CEP290: variants seen among roughly 807,000 people sequenced by gnomAD.
CEP290 encodes centrosomal protein 290.
A neutral mutation model predicts 344.9 loss-of-function variants in CEP290; 317 were observed. The observed-to-expected ratio is 0.92, with a 90% CI of 0.84 to 1.01. The LOEUF is 1.01. Among genes scored for constraint, CEP290 ranks in the 50% least tolerant of loss-of-function variants. The pLI is 0.00. For synonymous variants in CEP290, 932 were observed against 895.8 expected (o/e 1.04, Z -0.72); for missense variants, 2,754 against 2,761.4 (o/e 1.00, Z 0.06).
At chr12:88,112,340 A>C (rs1387442596) in intron 20 of CEP290, among the ~76,000 whole-genome samples, 1 of 152,160 alleles carries the variant, frequency 6.6e-6, no homozygotes, top group Non-Finnish European at 1.5e-5. Context: ...AATGGAATAC[A>C]ATATTGAACA....
rs1022505290 is a variant in CEP290, at chr12:88,111,313, T to C, written c.2256A>G (p.Gln752=). The change falls in exon 22 of 54, where the codon CAA becomes CAG. Residue 752 remains glutamine, a synonymous_variant. Coordinates refer to ENST00000552810, the MANE Select transcript of CEP290 (RefSeq NM_025114.4). ...TAAAAACAACATTTGATCCTTCTGA[T>C]TGTCGTAAAAGACTAGTTTCTTTTT... is the stretch of plus-strand genomic sequence containing the variant. The part of the protein sequence containing the change: ...HLEKETSLLR[Q]SEGSNVVFKG... 1.3e-6 allele frequency: 2 copies of C among 1,564,008 alleles called. No individual in the cohort carries two copies. The highest frequency in any genetic ancestry group is 1.2e-5 in the South Asian group (1 of 83,496).
intron 32 of CEP290, among the ~76,000 whole-genome samples, chr12:88,086,704 TATCC>T (rs71082424): frequency 6.7e-6 from 1 of 149,076 alleles, no homozygotes; most frequent in Admixed American, 6.8e-5. Context: ...GATTTCAGTC[TATCC>T]ATCCATCCAT....
intron 37 of CEP290, 116 bp from the exon 38 acceptor site, chr12:88,080,511 C>T: frequency 1.5e-6 from 1 of 666,586 alleles, no homozygotes; most frequent in South Asian, 2.3e-5. Flanking sequence ...CTGACTGCAA[C>T]CTCTGCCTCC....
chr12:88,121,605 G>A (rs1434427640), intron 13 of CEP290, among the ~76,000 whole-genome samples: 1 of 122,140 alleles, frequency 8.2e-6, no homozygotes, highest in East Asian at 2.5e-4. Flanking sequence ...AAGTTCATAT[G>A]TGAATTTCAA....
At chr12:88,112,816 A>G (rs1196549563) in intron 20 of CEP290, among the ~76,000 whole-genome samples, 1 of 152,132 alleles carries the variant, frequency 6.6e-6, no homozygotes, top group African/African-American at 2.4e-5. Context: ...AGAGGATATA[A>G]GGAAGATAAA....
intron 4 of CEP290, 22 bp downstream of exon 4, chr12:88,139,473 A>G: frequency 6.3e-7 from 1 of 1,583,226 alleles, no homozygotes; most frequent in Admixed American, 1.7e-5. Context: ...ATACCATAAT[A>G]AACTTTTTCC....
In CEP290 at chr12:88,136,734, AT is replaced by A; in HGVS notation, c.349del (p.Ile117PhefsTer8). On this transcript the variant is annotated frameshift_variant, in exon 6 of 54. Coordinates refer to ENST00000552810, the MANE Select transcript of CEP290 (RefSeq NM_025114.4). LOFTEE classifies it high-confidence loss of function. ...TTCTAATTGTTTTTCAAGTTGGCAA[AT>A]TTCATTACGTAAAAACCGAGTATCT... ...GRDTRFLRNEICQLEKQLEQK... is the reference protein window; with the variant it reads ...GRDTRFLRNEXCQLEKQLEQK... 1 of 1,613,704 alleles carries A rather than the reference AT, an allele frequency of 6.2e-7. No individual in the cohort carries two copies. Among genetic ancestry groups the A allele is most frequent in the Non-Finnish European group, 8.5e-7 (1 of 1,179,746 alleles).
In CEP290 at chr12:88,088,957, C is replaced by T. The variant is rs187324376; in HGVS notation, c.4029+75G>A. 88 of 1,062,238 alleles carry T rather than the reference C, an allele frequency of 8.3e-5. 2 individuals are homozygous for T. The South Asian group carries it at 1.1e-3, about 13-fold the overall frequency. The allele number at this position is 1,062,238 out of a possible 1,614,324, so 65.8% of individuals were successfully genotyped here. The stretch of plus-strand genomic sequence containing the variant: ...AGCCCAGGAGTTCCAGCTATGTTTG[C>T]ACCACTGAACTCCAGCCTGGGAAAC... On this transcript the variant is annotated intron_variant, in intron 31 of 53. Coordinates refer to ENST00000552810, the MANE Select transcript of CEP290 (RefSeq NM_025114.4).
chr12:88,087,458 C>A (rs148324063), intron 32 of CEP290, among the ~76,000 whole-genome samples: 1 of 152,036 alleles, frequency 6.6e-6, no homozygotes, highest in African/African-American at 2.4e-5. Flanking sequence ...TAGGGGCTCA[C>A]GCCTGTAATC....
At chr12:88,062,203 A>G (rs1276060832) in intron 46 of CEP290, among the ~76,000 whole-genome samples, 1 of 152,232 alleles carries the variant, frequency 6.6e-6, no homozygotes, top group Non-Finnish European at 1.5e-5. Context: ...ACATGAAATC[A>G]ACAGGAGCTT....
chr12:88,127,853 G>C (rs1167853590), intron 11 of CEP290, among the ~76,000 whole-genome samples: 1 of 151,970 alleles, frequency 6.6e-6, no homozygotes, highest in Non-Finnish European at 1.5e-5. Flanking sequence ...TGTATAAAAA[G>C]AAAAATTACA....
chr12:88,131,080 G>A (rs899791685), intron 7 of CEP290, 85 bp downstream of exon 7: 30 of 1,082,610 alleles, frequency 2.8e-5, no homozygotes, highest in Admixed American at 2.0e-4. Flanking sequence ...CTCCAGTCCT[G>A]GTTAAAATAT....
chr12:88,128,253 T>C (rs1260134339), intron 11 of CEP290, among the ~76,000 whole-genome samples: 1 of 152,182 alleles, frequency 6.6e-6, no homozygotes, highest in Non-Finnish European at 1.5e-5. Context: ...TTGCTAATGC[T>C]TTTGTTTAAA....
chr12:88,116,481 G>A (rs2039043713), intron 18 of CEP290, among the ~76,000 whole-genome samples: 1 of 152,112 alleles, frequency 6.6e-6, no homozygotes, highest in African/African-American at 2.4e-5. Flanking sequence ...TGACTGTGGG[G>A]TATTGAATGA....
chr12:88,111,664 G>T, intron 21 of CEP290, 30 bp downstream of exon 21: 1 of 1,517,790 alleles, frequency 6.6e-7, no homozygotes, highest in South Asian at 1.3e-5. Context: ...CTTATGTTTA[G>T]CATTTTCTTT....
At chr12:88,138,651 T>A (rs1205263961) in intron 5 of CEP290, among the ~76,000 whole-genome samples, 1 of 152,162 alleles carries the variant, frequency 6.6e-6, no homozygotes, top group Non-Finnish European at 1.5e-5. Context: ...TCTATACACA[T>A]CCACTCTTCC....
chr12:88,107,708 C>T (rs1283303644), intron 23 of CEP290, among the ~76,000 whole-genome samples: 3 of 151,230 alleles, frequency 2.0e-5, no homozygotes, highest in East Asian at 1.9e-4. Flanking sequence ...TTGAGACTAG[C>T]GTGGACAATA....
chr12:88,050,251 T>C (rs533455398), intron 53 of CEP290, 103 bp downstream of exon 53: 28 of 637,140 alleles, frequency 4.4e-5, no homozygotes, highest in East Asian at 4.0e-4. Context: ...AAATATAAGA[T>C]GTTATTACTG....
chr12:88,099,298 G>A (rs957371249), intron 26 of CEP290, among the ~76,000 whole-genome samples: 1 of 152,126 alleles, frequency 6.6e-6, no homozygotes, highest in Non-Finnish European at 1.5e-5. Flanking sequence ...AAATAAGAAT[G>A]ACTAGGAGAG....
Sources: allele counts gnomAD v4.1 joint callset (sites outside exome capture counted in the v4.1 genomes callset), GRCh38; gene constraint gnomAD v4.1.1; transcripts MANE v1.5; gene names NCBI Gene and HGNC (gene_info 2026-07-23, HGNC 2026-07-21).